TMEM87B: variants seen among roughly 807,000 people sequenced by gnomAD.
TMEM87B encodes transmembrane protein 87B.
A neutral mutation model predicts 80.3 loss-of-function variants in TMEM87B; 83 were observed. That is an observed-to-expected ratio of 1.03 (90% CI 0.87 to 1.24). The LOEUF is 1.24. Ranked by LOEUF, TMEM87B falls within the 50% of genes most tolerant of loss-of-function variation. The pLI is 0.00. For synonymous variants in TMEM87B, 219 were observed against 230.5 expected (o/e 0.95, Z 0.45); for missense variants, 625 against 674.4 (o/e 0.93, Z 0.81).
At chr2:112,058,132 C>G (rs960636129) in intron 1 of TMEM87B, among the ~76,000 whole-genome samples, 1 of 152,210 alleles carries the variant, frequency 6.6e-6, no homozygotes, top group South Asian at 2.1e-4. Context: ...CGGCCTCAGT[C>G]TTAAAAGATG....
At chr2:112,110,558 T>C (rs993456773) in intron 17 of TMEM87B, among the ~76,000 whole-genome samples, 2 of 152,162 alleles carry the variant, frequency 1.3e-5, no homozygotes, top group South Asian at 4.1e-4. Flanking sequence ...TTATATGGAA[T>C]TGATTTTGTT....
At chr2:112,082,817 G>A (rs1264882208) in intron 8 of TMEM87B, among the ~76,000 whole-genome samples, 2 of 152,162 alleles carry the variant, frequency 1.3e-5, no homozygotes, top group Non-Finnish European at 2.9e-5. Flanking sequence ...CTTGTTTAGT[G>A]AAGGTAAAGG....
chr2:112,102,645 G>T (rs1413104855), intron 15 of TMEM87B, among the ~76,000 whole-genome samples: 1 of 151,916 alleles, frequency 6.6e-6, no homozygotes, highest in African/African-American at 2.4e-5. Context: ...AGTGAGCCAA[G>T]CCACTGCACG....
At chr2:112,065,900 T>C (rs1678420104) in intron 3 of TMEM87B, among the ~76,000 whole-genome samples, 1 of 152,216 alleles carries the variant, frequency 6.6e-6, no homozygotes, top group African/African-American at 2.4e-5. Flanking sequence ...TTTGAATATT[T>C]CTGATGTTTA....
chr2:112,087,998 A>T (rs1015192921), intron 9 of TMEM87B, among the ~76,000 whole-genome samples: 1 of 151,286 alleles, frequency 6.6e-6, no homozygotes, highest in African/African-American at 2.4e-5. Context: ...CCTCTGCTGC[A>T]CCCTCCTGTG....
intron 8 of TMEM87B, among the ~76,000 whole-genome samples, chr2:112,083,911 T>G (rs553471229): frequency 2.8e-4 from 43 of 152,310 alleles, no homozygotes; most frequent in African/African-American, 1.0e-3. Flanking sequence ...CCCTTTTCAC[T>G]TGAAGATATG....
At chr2:112,071,803 G>C (rs1022123801) in intron 4 of TMEM87B, among the ~76,000 whole-genome samples, 1 of 152,152 alleles carries the variant, frequency 6.6e-6, no homozygotes, top group Non-Finnish European at 1.5e-5. Flanking sequence ...GCTCTGGCCA[G>C]GACTTCCAAT....
chr2:112,111,725 T>C (rs973727208), intron 17 of TMEM87B, among the ~76,000 whole-genome samples: 2 of 152,206 alleles, frequency 1.3e-5, no homozygotes, highest in Non-Finnish European at 2.9e-5. Flanking sequence ...TTATAAGTCA[T>C]GGGACATTTT....
intron 3 of TMEM87B, among the ~76,000 whole-genome samples, chr2:112,065,671 A>T (rs1183383293): frequency 2.1e-5 from 3 of 146,134 alleles, no homozygotes; most frequent in African/African-American, 7.7e-5. Flanking sequence ...AAAAAAGTTC[A>T]CCAGTGTCCC....
In TMEM87B at chr2:112,118,046, C is replaced by T. The variant is rs1174682179; in HGVS notation, c.*1903C>T. On this transcript the variant is annotated 3_prime_UTR_variant, in exon 19 of 19. Transcript: ENST00000283206. ...GGATAAATGATGCTACCCTGTAGCTCAGCTACAGGCTGCAGTGCAAACTTT... is the reference window on the plus strand; with the variant it reads ...GGATAAATGATGCTACCCTGTAGCTTAGCTACAGGCTGCAGTGCAAACTTT... The T allele has an allele frequency of 6.6e-6, 1 of 152,172 alleles. No individual in the cohort carries two copies. The highest frequency in any genetic ancestry group is 1.9e-4 in the East Asian group (1 of 5,192). 9.4% of individuals were successfully genotyped at this position (152,172 alleles called of 1,614,324 possible).
chr2:112,080,086 C>G (rs1678944354), intron 6 of TMEM87B, among the ~76,000 whole-genome samples: 1 of 151,030 alleles, frequency 6.6e-6, no homozygotes, highest in Admixed American at 6.6e-5. Flanking sequence ...CACGCCACCC[C>G]ACCTGGCTAA....
Position 112,107,905 on chromosome 2 carries a change from C to T in TMEM87B, c.1577+65C>T, listed in dbSNP as rs952675584. Reference sequence around the variant, plus strand: ...GCTGTAGTTTAAAAGGGATCGTTCTCATCCTTTGTCATGTGCTTTTCAAAC... The same window carrying T: ...GCTGTAGTTTAAAAGGGATCGTTCTTATCCTTTGTCATGTGCTTTTCAAAC... On this transcript the variant is annotated intron_variant, in intron 17 of 18. Coordinates refer to ENST00000283206, the MANE Select transcript of TMEM87B (RefSeq NM_032824.3). 4.5e-6 allele frequency: 5 copies of T among 1,112,910 alleles called. No individual in the cohort carries two copies. In the South Asian group the frequency reaches 6.2e-5, roughly 14 times the overall value. 68.9% of individuals were successfully genotyped at this position (1,112,910 alleles called of 1,614,324 possible).
chr2:112,067,035 AAC>A lies in TMEM87B; in HGVS notation c.420_421del (p.Asn140LysfsTer2). On this transcript the variant is annotated frameshift_variant, in exon 4 of 19. Coordinates refer to ENST00000283206, the MANE Select transcript of TMEM87B (RefSeq NM_032824.3). LOFTEE classifies it high-confidence loss of function. ...WTTKNENLDCNSDSQVFPSLN... is the reference protein window; with the variant it reads ...WTTKNENLDCXSDSQVFPSLN... ...AACAAAAAATGAAAACTTAGATTGC[AAC>A]AGTGATTCACAGGTGTTTCCCTCTT... The A allele has an allele frequency of 6.2e-7, 1 of 1,611,464 alleles. No individual in the cohort carries two copies. Among genetic ancestry groups the A allele is most frequent in the Non-Finnish European group, 8.5e-7 (1 of 1,179,334 alleles).
chr2:112,061,753 G>A (rs576249643), intron 2 of TMEM87B, among the ~76,000 whole-genome samples: 29 of 152,282 alleles, frequency 1.9e-4, no homozygotes, highest in Admixed American at 1.9e-3. Context: ...CAATCAAGAC[G>A]TTGTTATTAA....
intron 17 of TMEM87B, among the ~76,000 whole-genome samples, chr2:112,112,092 T>C (rs959524190): frequency 2.0e-5 from 3 of 152,232 alleles, no homozygotes; most frequent in Non-Finnish European, 2.9e-5. Flanking sequence ...CCCTCCTGGC[T>C]TCACCATGGA....
intron 5 of TMEM87B, among the ~76,000 whole-genome samples, chr2:112,076,888 G>GTC (rs1218760123): frequency 7.3e-6 from 1 of 136,106 alleles, no homozygotes; most frequent in South Asian, 2.3e-4. Flanking sequence ...GTGTGTGTGT[G>GTC]TCTGTGTGTG....
At chr2:112,060,710 T>C (rs1416421008) in intron 2 of TMEM87B, among the ~76,000 whole-genome samples, 6 of 152,020 alleles carry the variant, frequency 3.9e-5, no homozygotes, top group Admixed American at 3.9e-4. Flanking sequence ...CTAATTTTTG[T>C]ATTTTTAGTA....
chr2:112,085,843 G>C (rs1458176674), intron 8 of TMEM87B, among the ~76,000 whole-genome samples, 162 bp from the exon 9 acceptor site: 4 of 152,216 alleles, frequency 2.6e-5, no homozygotes, highest in African/African-American at 9.6e-5. Context: ...ATCCTTCACT[G>C]AAGTTTTCAA....
At chr2:112,113,052 C>A in intron 18 of TMEM87B, 123 bp downstream of exon 18, 2 of 876,616 alleles carry the variant, frequency 2.3e-6, no homozygotes, top group South Asian at 1.8e-5. Context: ...CAGAAAGATG[C>A]TATGAATTGA....
Sources: gnomAD v4.1 joint callset for allele counts (sites outside exome capture counted in the v4.1 genomes callset) on GRCh38, gnomAD v4.1.1 for gene constraint, MANE v1.5 for transcripts, NCBI Gene and HGNC (gene_info 2026-07-23, HGNC 2026-07-21) for gene names.